RIC8A: variants seen among roughly 807,000 people sequenced by gnomAD.
The protein encoded by RIC8A is RIC8 guanine nucleotide exchange factor A, also known as chaperone Ric-8A.
RIC8A carries 37 observed loss-of-function variants against 48.4 expected under a neutral mutation model. The ratio of observed to expected loss-of-function variants is 0.77; its 90% CI spans 0.59 to 1.01. The LOEUF (loss-of-function observed/expected upper bound fraction) is 1.01, where lower values mean the gene tolerates loss of function less well. Ranked by LOEUF, RIC8A falls within the 50% of genes least tolerant of loss-of-function variation. The pLI is 0.00. For synonymous variants in RIC8A, 288 were observed against 283.4 expected (o/e 1.02, Z -0.16); for missense variants, 681 against 696.8 (o/e 0.98, Z 0.25).
At chr11:209,023 G>T (rs971486031) in intron 1 of RIC8A, 85 bp downstream of exon 1, 2 of 1,258,130 alleles carry the variant, frequency 1.6e-6, no homozygotes, top group Admixed American at 3.9e-5. Flanking sequence ...CGTGGGTGAG[G>T]CAGAGGCTGT....
intron 1 of RIC8A, 100 bp from the exon 2 acceptor site, chr11:209,171 G>T: frequency 1.4e-6 from 2 of 1,404,328 alleles, no homozygotes; most frequent in Non-Finnish European, 2.0e-6. Context: ...TCCGTTCTGA[G>T]CAGTGGCTGC....
At position 209,517 on chromosome 11, in the gene RIC8A, C is replaced by T; in HGVS notation, c.243C>T (p.Asp81=). The stretch of plus-strand genomic sequence containing the variant: ...TGTCCCGGGACCGCAACTGCCTGGA[C>T]CCGTTCACCAGCCGCCAGAGCCTGC... The part of the protein sequence containing the change: ...RILSRDRNCL[D]PFTSRQSLQA... Residue 81 remains aspartate (D), a synonymous_variant, in exon 3 of 10, where the codon GAC becomes GAT. Coordinates refer to ENST00000526104, the MANE Select transcript of RIC8A (RefSeq NM_001286134.2). 1 of 1,613,976 alleles carries T rather than the reference C, an allele frequency of 6.2e-7. No homozygotes were observed. The highest frequency in any genetic ancestry group is 8.5e-7 in the Non-Finnish European group (1 of 1,179,992).
chr11:210,164 G>T (rs1048089060), intron 3 of RIC8A, among the ~76,000 whole-genome samples, 164 bp downstream of exon 3: 4 of 152,214 alleles, frequency 2.6e-5, no homozygotes, highest in Non-Finnish European at 5.9e-5. Flanking sequence ...TCTGGGCTGG[G>T]ACCTCAGGAA....
chr11:211,552 T>G lies in RIC8A; in HGVS notation c.969+203T>G. 1 of 540,044 alleles carries G rather than the reference T, an allele frequency of 1.9e-6. No individual in the cohort carries two copies. Among genetic ancestry groups the G allele is most frequent in the South Asian group, 2.6e-5 (1 of 39,018 alleles). The allele number at this position is 540,044 out of a possible 1,614,324, so 33.5% of individuals were successfully genotyped here. On this transcript the variant is annotated intron_variant, in intron 5 of 9. Transcript: ENST00000526104. The surrounding 1 kb of genome is among the most constrained non-coding windows in gnomAD (Gnocchi z 4.0). Reference sequence around the variant, plus strand: ...CCTCCATGAGAAGCATGTGGACACCTTCCACACACTTGAAGGTTTCACTTC... The same window carrying G: ...CCTCCATGAGAAGCATGTGGACACCGTCCACACACTTGAAGGTTTCACTTC...
intron 9 of RIC8A, chr11:213,771 C>T (rs1455942304): frequency 8.1e-6 from 2 of 246,214 alleles, no homozygotes; most frequent in Non-Finnish European, 1.6e-5. Flanking sequence ...GGTGAAACCC[C>T]ATCTCTGCTA....
intron 3 of RIC8A, 68 bp from the exon 4 acceptor site, chr11:210,503 G>C: frequency 7.2e-7 from 1 of 1,393,904 alleles, no homozygotes; most frequent in Non-Finnish European, 1.0e-6. Context: ...GCAACAGACA[G>C]TGGAGCCTCA....
chr11:211,862 A>C lies in RIC8A; in HGVS notation c.969+513A>C, dbSNP rs12421799. On this transcript the variant is annotated intron_variant, in intron 5 of 9. Coordinates refer to ENST00000526104, the MANE Select transcript of RIC8A (RefSeq NM_001286134.2). The surrounding 1 kb of genome is among the most constrained non-coding windows in gnomAD (Gnocchi z 4.0). ...CTCCTGGGAATCTACCTGCCTAAGCAAGGGACACACAAGGTGCCTGCGAGC... is the reference window on the plus strand; with the variant it reads ...CTCCTGGGAATCTACCTGCCTAAGCCAGGGACACACAAGGTGCCTGCGAGC... 0.054 allele frequency: 8,814 copies of C among 163,952 alleles called. 341 individuals are homozygous for C. The highest frequency in any genetic ancestry group is 0.074 in the Non-Finnish European group (5,514 of 74,666). The allele number at this position is 163,952 out of a possible 1,614,324, so 10.2% of individuals were successfully genotyped here. A position where few individuals can be genotyped will look rare whatever the true frequency, so the allele number is the denominator to read the frequency against.
At position 208,985 on chromosome 11, in the gene RIC8A, C is replaced by A. The variant is rs1480708375; in HGVS notation, c.84+47C>A. On this transcript the variant is annotated intron_variant, in intron 1 of 9. Transcript: ENST00000526104. This position sits in a 1 kb window ranked among gnomAD's most constrained non-coding sequence, Gnocchi z 4.8. ...GGGGGCGGGCACGGAGGGGGTGGGG[C>A]AGGGTCGTGCGCGGGTAGCAGGGAG... is the stretch of plus-strand genomic sequence containing the variant. The A allele has an allele frequency of 1.6e-5, 20 of 1,278,858 alleles. No homozygotes were observed. The highest frequency in any genetic ancestry group is 2.1e-5 in the Non-Finnish European group (19 of 897,808). 79.2% of individuals were successfully genotyped at this position (1,278,858 alleles called of 1,614,324 possible).
rs781412660 is a variant in RIC8A at position 211,317 on chromosome 11, C to T, written c.937C>T (p.Leu313Phe). 1 of 1,614,100 alleles carries T rather than the reference C, an allele frequency of 6.2e-7. No individual in the cohort carries two copies. The change falls in exon 5 of 10, where the codon CTC becomes TTC. Residue 313 changes from leucine (L) to phenylalanine (F), a missense_variant. Physicochemically the swap from Leu to Phe is conservative, Grantham distance 22 (BLOSUM62 0). Transcript: ENST00000526104. The surrounding 1 kb of genome is among the most constrained non-coding windows in gnomAD (Gnocchi z 4.0). ...MGVNMDVIRA[L>F]LIFLEKRLHK... ...AGTGAATATGGATGTGATTCGTGCC[C>T]TCCTCATCTTCCTAGAGAAGCGTTT...
chr11:212,480 A>G lies in RIC8A; in HGVS notation c.1034A>G (p.His345Arg), dbSNP rs753905617. 31 of 1,613,798 alleles carry G rather than the reference A, an allele frequency of 1.9e-5. No individual in the cohort carries two copies. The highest frequency in any genetic ancestry group is 2.4e-5 in the Non-Finnish European group (28 of 1,179,938). The part of the protein sequence containing the change: ...LSVLTECARM[H>R]RPARKFLKAQ... ...GTGCTGACTGAATGTGCCCGGATGC[A>G]CCGCCCAGCCAGGAAGTTCCTGAAG... Residue 345 changes from histidine to arginine, a missense_variant, in exon 6 of 10, where the codon CAC becomes CGC. Transcript: ENST00000526104.
In RIC8A at chr11:209,624, C is replaced by G; in HGVS notation, c.350C>G (p.Ser117Cys). 6.2e-7 allele frequency: 1 copy of G among 1,614,024 alleles called. No homozygotes were observed. The highest frequency in any genetic ancestry group is 8.5e-7 in the Non-Finnish European group (1 of 1,180,026). Residue 117 changes from serine (S) to cysteine (C), a missense_variant, in exon 3 of 10, where the codon TCC becomes TGC. Transcript: ENST00000526104. ...GCAGACATGGATGTTGTACTGGAGT[C>G]CCTCAAGTGCCTGTGCAACCTCGTG... is the stretch of plus-strand genomic sequence containing the variant. ...ESADMDVVLESLKCLCNLVLS... is the reference protein window; with the variant it reads ...ESADMDVVLECLKCLCNLVLS...
In RIC8A at chr11:211,841, T is replaced by C. The variant is rs75256197; in HGVS notation, c.969+492T>C. 0.077 allele frequency: 12,489 copies of C among 161,802 alleles called. 1,117 individuals are homozygous for C. Among genetic ancestry groups the C allele is most frequent in the East Asian group, 0.42 (2,289 of 5,450 alleles). 10.0% of individuals were successfully genotyped at this position (161,802 alleles called of 1,614,324 possible). On this transcript the variant is annotated intron_variant, in intron 5 of 9. Transcript: ENST00000526104. The surrounding 1 kb of genome is among the most constrained non-coding windows in gnomAD (Gnocchi z 4.0). ...ATAAACCGAGATTTAGTAGACCTCC[T>C]GGGAATCTACCTGCCTAAGCAAGGG... is the stretch of plus-strand genomic sequence containing the variant.
chr11:209,471 G>A lies in RIC8A; in HGVS notation c.197G>A (p.Trp66Ter), dbSNP rs776742610. 6.2e-7 allele frequency: 1 copy of A among 1,608,720 alleles called. No homozygotes were observed. The highest frequency in any genetic ancestry group is 8.5e-7 in the Non-Finnish European group (1 of 1,175,664). Residue 66 changes from tryptophan to a stop codon, truncating the protein, a stop_gained, in exon 3 of 10, where the codon TGG (tryptophan) becomes TAG (stop). Coordinates refer to ENST00000526104, the MANE Select transcript of RIC8A (RefSeq NM_001286134.2). LOFTEE classifies it high-confidence loss of function. ...TTGCCACCCTCCCACCGTGTCATCT[G>A]GCTGCAGAGTGTCCGAATCCTGTCC... Reference protein sequence around the residue: ...QGLPPSHRVIWLQSVRILSRD... With the variant: ...QGLPPSHRVI
At position 210,642 on chromosome 11, in the gene RIC8A, C is replaced by T; in HGVS notation, c.798C>T (p.Asp266=). The part of the protein sequence containing the change: ...RHCVMIATAG[D]RTEEFHGHAV... ...GTGTGATGATCGCTACTGCTGGAGACCGCACAGAGGAGTTCCACGGGTGAG... is the reference window on the plus strand; with the variant it reads ...GTGTGATGATCGCTACTGCTGGAGATCGCACAGAGGAGTTCCACGGGTGAG... The change falls in exon 4 of 10, where the codon GAC becomes GAT. Residue 266 remains aspartate, a synonymous_variant. Coordinates refer to ENST00000526104, the MANE Select transcript of RIC8A (RefSeq NM_001286134.2). 1.9e-6 allele frequency: 3 copies of T among 1,614,130 alleles called. No homozygotes were observed. The highest frequency in any genetic ancestry group is 2.5e-6 in the Non-Finnish European group (3 of 1,180,014).
chr11:212,592 C>G (rs1330447419), intron 6 of RIC8A, 23 bp from the exon 7 acceptor site: 1 of 1,613,518 alleles, frequency 6.2e-7, no homozygotes, highest in Non-Finnish European at 8.5e-7. Context: ...TAAGCCCAAG[C>G]TTAGGGATGG....
chr11:208,936 GAGGTA>G lies in RIC8A; in HGVS notation c.84+1_84+5del. ...GGAAGCTCTGCGGTCATACAACCAGGAGGTAAGCGGCCGCCTGAGGCCGGGGGGCG... is the reference window on the plus strand; with the variant it reads ...GGAAGCTCTGCGGTCATACAACCAGGAGCGGCCGCCTGAGGCCGGGGGGCG... On this transcript the variant is annotated splice_donor_variant and splice_donor_region_variant and coding_sequence_variant and intron_variant, in exon 1 of 10. Transcript: ENST00000526104. LOFTEE classifies it high-confidence loss of function. This position sits in a 1 kb window ranked among gnomAD's most constrained non-coding sequence, Gnocchi z 4.8. The G allele has an allele frequency of 6.2e-7, 1 of 1,606,782 alleles. No homozygotes were observed. Among genetic ancestry groups the G allele is most frequent in the Non-Finnish European group, 8.5e-7 (1 of 1,176,998 alleles).
Position 209,775 on chromosome 11 carries a change from C to T in RIC8A, c.501C>T (p.Leu167=). 1 of 1,614,068 alleles carries T rather than the reference C, an allele frequency of 6.2e-7. No homozygotes were observed. The highest frequency in any genetic ancestry group is 8.5e-7 in the Non-Finnish European group (1 of 1,180,036). Residue 167 remains leucine (L), a synonymous_variant, in exon 3 of 10, where the codon CTC becomes CTT. Transcript: ENST00000526104. ...PHDVQFFDLR[L]LFLLTALRTD... ...ATGTCCAGTTCTTTGACTTGCGGCT[C>T]CTCTTCCTGCTAACGGCACTCCGCA... is the stretch of plus-strand genomic sequence containing the variant.
In RIC8A at chr11:208,173, G is replaced by C. The variant is rs895290167; in HGVS notation, c.-682G>C. 2 of 152,498 alleles carry C rather than the reference G, an allele frequency of 1.3e-5. No individual in the cohort carries two copies. Among genetic ancestry groups the C allele is most frequent in the African/African-American group, 4.8e-5 (2 of 41,446 alleles). 9.4% of individuals were successfully genotyped at this position (152,498 alleles called of 1,614,324 possible). A position where few individuals can be genotyped will look rare whatever the true frequency, so the allele number is the denominator to read the frequency against. On this transcript the variant is annotated 5_prime_UTR_variant, in exon 1 of 10. Coordinates refer to ENST00000526104, the MANE Select transcript of RIC8A (RefSeq NM_001286134.2). This position sits in a 1 kb window ranked among gnomAD's most constrained non-coding sequence, Gnocchi z 4.8. ...TCTCTCGGCCCCTCCACCTTTGCAA[G>C]TGCTGCTCCTTCTGCCTGGAGTGGC...
Position 209,448 on chromosome 11 carries a change from G to A in RIC8A, c.174G>A (p.Leu58=). ...TGGTCTCCGTCCTGGAACAGGGCTT[G>A]CCACCCTCCCACCGTGTCATCTGGC... The part of the protein sequence containing the change: ...ELLVSVLEQG[L]PPSHRVIWLQ... The change falls in exon 3 of 10, where the codon TTG becomes TTA. Residue 58 remains leucine (L), a synonymous_variant. Coordinates refer to ENST00000526104, the MANE Select transcript of RIC8A (RefSeq NM_001286134.2). The A allele has an allele frequency of 5.0e-6, 8 of 1,603,856 alleles. No individual in the cohort carries two copies. The highest frequency in any genetic ancestry group is 6.8e-6 in the Non-Finnish European group (8 of 1,171,944).
Sources: gnomAD v4.1 joint callset for allele counts (sites outside exome capture counted in the v4.1 genomes callset) on GRCh38, gnomAD v4.1.1 for gene constraint, Gnocchi (gnomAD v3.1) non-coding constraint, MANE v1.5 for transcripts, NCBI Gene and HGNC (gene_info 2026-07-23, HGNC 2026-07-21) for gene names.